CACNA2D1: variants seen among roughly 807,000 people sequenced by gnomAD.
The protein encoded by CACNA2D1 is voltage-dependent calcium channel subunit alpha-2/delta-1.
A neutral mutation model predicts 171.5 loss-of-function variants in CACNA2D1; 53 were observed. The ratio of observed to expected loss-of-function variants is 0.31; its 90% confidence interval spans 0.25 to 0.39. The LOEUF (loss-of-function observed/expected upper bound fraction) is 0.39. Ranked by LOEUF, CACNA2D1 falls within the 10% of genes least tolerant of loss-of-function variation. The pLI is 1.00. For synonymous variants in CACNA2D1, 442 were observed against 443.1 expected (o/e 1.00, Z 0.03); for missense variants, 903 against 1,299.8 (o/e 0.69, Z 4.69).
intron 6 of CACNA2D1, among the ~76,000 whole-genome samples, chr7:82,087,377 C>T (rs566815258): frequency 6.6e-6 from 1 of 152,214 alleles, no homozygotes; most frequent in Admixed American, 6.5e-5. Flanking sequence ...ACATGCACAT[C>T]GTGTTCACTG....
intron 3 of CACNA2D1, among the ~76,000 whole-genome samples, chr7:82,291,868 C>G (rs1290512850): frequency 6.6e-6 from 1 of 151,548 alleles, no homozygotes; most frequent in Non-Finnish European, 1.5e-5. Flanking sequence ...TTAAATATAA[C>G]ACTCTAAAAC....
intron 4 of CACNA2D1, among the ~76,000 whole-genome samples, chr7:82,163,639 C>G (rs1795161117): frequency 6.6e-6 from 1 of 151,982 alleles, no homozygotes; most frequent in Non-Finnish European, 1.5e-5. Flanking sequence ...CTTCAGGTCT[C>G]TTATTAAAAA....
chr7:82,112,645 ACT>A (rs1486174432), intron 6 of CACNA2D1, among the ~76,000 whole-genome samples: 3 of 152,066 alleles, frequency 2.0e-5, no homozygotes, highest in Non-Finnish European at 4.4e-5. Flanking sequence ...TAACTTTTTT[ACT>A]CTGTTAAAGG....
chr7:82,229,345 CTAA>C (rs1367408313), intron 3 of CACNA2D1, among the ~76,000 whole-genome samples: 1 of 152,092 alleles, frequency 6.6e-6, no homozygotes, highest in African/African-American at 2.4e-5. Flanking sequence ...GATTTCTACT[CTAA>C]TGAGACTGAA....
chr7:82,163,779 G>T (rs1490158518), intron 4 of CACNA2D1, among the ~76,000 whole-genome samples: 1 of 151,974 alleles, frequency 6.6e-6, no homozygotes, highest in African/African-American at 2.4e-5. Flanking sequence ...GCTGGCAGAT[G>T]CTCACTAGAC....
chr7:82,164,965 T>G (rs1172633582), intron 4 of CACNA2D1, among the ~76,000 whole-genome samples: 1 of 152,018 alleles, frequency 6.6e-6, no homozygotes, highest in Non-Finnish European at 1.5e-5. Flanking sequence ...TTTTGACAGC[T>G]GCAATTCGGT....
chr7:81,953,557 T>TAA (rs35236970), intron 38 of CACNA2D1, among the ~76,000 whole-genome samples: 1,779 of 149,510 alleles, frequency 0.012, 14 homozygotes, highest in Middle Eastern at 0.055. Flanking sequence ...AATATCAGAT[T>TAA]AAAAAAAAAA....
chr7:82,107,235 C>T (rs1007544035), intron 6 of CACNA2D1, among the ~76,000 whole-genome samples: 1 of 152,062 alleles, frequency 6.6e-6, no homozygotes, highest in African/African-American at 2.4e-5. Context: ...CCAAAATGCT[C>T]CCAGGGCCAT....
intron 6 of CACNA2D1, among the ~76,000 whole-genome samples, chr7:82,100,262 A>T (rs1812515559): frequency 6.6e-6 from 1 of 152,082 alleles, no homozygotes; most frequent in African/African-American, 2.4e-5. Flanking sequence ...CTTAATGCAA[A>T]TTTATTTTCT....
At chr7:82,305,016 A>C (rs1214946663) in intron 3 of CACNA2D1, among the ~76,000 whole-genome samples, 1 of 152,146 alleles carries the variant, frequency 6.6e-6, no homozygotes, top group Non-Finnish European at 1.5e-5. Context: ...GACTCAAAAA[A>C]TGTTAATGTT....
chr7:82,218,078 G>A (rs926591939), intron 3 of CACNA2D1, among the ~76,000 whole-genome samples: 1 of 151,774 alleles, frequency 6.6e-6, no homozygotes, highest in Non-Finnish European at 1.5e-5. Context: ...GGGACTACAG[G>A]CACCCACCAC....
chr7:82,201,684 G>T (rs1371374917), intron 3 of CACNA2D1, among the ~76,000 whole-genome samples: 1 of 152,062 alleles, frequency 6.6e-6, no homozygotes, highest in Non-Finnish European at 1.5e-5. Flanking sequence ...GCTACCCTTC[G>T]CTAGTCCCCA....
intron 7 of CACNA2D1, among the ~76,000 whole-genome samples, chr7:82,079,665 C>A (rs1317993614): frequency 1.4e-5 from 2 of 147,810 alleles, no homozygotes; most frequent in African/African-American, 5.0e-5. Context: ...GCACTCCAGC[C>A]TAGGTAACAA....
At chr7:81,964,638 G>C (rs1195756821) in intron 32 of CACNA2D1, among the ~76,000 whole-genome samples, 2 of 151,886 alleles carry the variant, frequency 1.3e-5, no homozygotes, top group Admixed American at 1.3e-4. Flanking sequence ...ATGCTTCCCA[G>C]ATGAATAAAA....
chr7:82,281,529 T>C (rs1810097059), intron 3 of CACNA2D1, among the ~76,000 whole-genome samples: 1 of 152,078 alleles, frequency 6.6e-6, no homozygotes, highest in Non-Finnish European at 1.5e-5. Context: ...TTATATGGAG[T>C]TTCACATAGA....
At chr7:82,318,983 G>T (rs79295185) in intron 3 of CACNA2D1, among the ~76,000 whole-genome samples, 1 of 152,166 alleles carries the variant, frequency 6.6e-6, no homozygotes, top group Non-Finnish European at 1.5e-5. Flanking sequence ...CATGATAAGT[G>T]CAAGGCAGAG....
intron 4 of CACNA2D1, among the ~76,000 whole-genome samples, chr7:82,152,744 A>T (rs1162595198): frequency 6.6e-6 from 1 of 152,032 alleles, no homozygotes; most frequent in Non-Finnish European, 1.5e-5. Context: ...GTCCTTAGAA[A>T]ATGTAATTAC....
rs1425586561 is a variant in CACNA2D1, at chr7:81,969,770, A to G, written c.2308+111T>C. The G allele has an allele frequency of 1.7e-5, 12 of 701,826 alleles. No individual in the cohort carries two copies. The South Asian group carries it at 1.9e-4, about 11-fold the overall frequency. 43.5% of individuals were successfully genotyped at this position (701,826 alleles called of 1,614,324 possible). On this transcript the variant is annotated intron_variant, in intron 28 of 38. Coordinates refer to ENST00000356860, the MANE Select transcript of CACNA2D1 (RefSeq NM_000722.4). Reference sequence around the variant, plus strand: ...TGCAAATACTCTATTTTTAATGATGACTATTCTGAGTAGTTAACATAAAAT... The same window carrying G: ...TGCAAATACTCTATTTTTAATGATGGCTATTCTGAGTAGTTAACATAAAAT...
chr7:82,018,327 C>A (rs1273943889), intron 12 of CACNA2D1, among the ~76,000 whole-genome samples: 1 of 151,966 alleles, frequency 6.6e-6, no homozygotes, highest in Non-Finnish European at 1.5e-5. Context: ...TGAATAGATG[C>A]TTGAGTGGTT....
Sources: gnomAD v4.1 joint callset for allele counts (sites outside exome capture counted in the v4.1 genomes callset) on GRCh38, gnomAD v4.1.1 for gene constraint, MANE v1.5 for transcripts, NCBI Gene and HGNC (gene_info 2026-07-23, HGNC 2026-07-21) for gene names.